The following DCHS2 variants were observed in gnomAD, a reference collection of about 807,000 sequenced individuals.
DCHS2 encodes the protein protocadherin-23.
DCHS2 carries 142 observed loss-of-function variants against 182.4 expected under a neutral mutation model. The ratio of observed to expected loss-of-function variants is 0.78; its 90% CI spans 0.68 to 0.89. The LOEUF is 0.89. Ranked by LOEUF, DCHS2 falls within the 40% of genes least tolerant of loss-of-function variation. The pLI is 0.00. For missense variants in DCHS2, 4,319 were observed against 4,198.6 expected, an observed-to-expected ratio of 1.03 and a Z score of -0.79; for synonymous variants, 1,740 against 1,663.3, an observed-to-expected ratio of 1.05 and a Z score of -1.12.
chr4:154,483,270 A>G (rs1735990529), intron 1 of DCHS2, among the ~76,000 whole-genome samples: 1 of 152,204 alleles, frequency 6.6e-6, no homozygotes, highest in African/African-American at 2.4e-5. Context: ...AGAAAGAGCA[A>G]GTCATCTAGA....
intron 3 of DCHS2, chr4:154,357,164 G>T: frequency 1.7e-6 from 2 of 1,172,076 alleles, no homozygotes; most frequent in Non-Finnish European, 2.5e-6. Flanking sequence ...TGCTTTCATG[G>T]CCTTTTTGGT....
intron 1 of DCHS2, among the ~76,000 whole-genome samples, chr4:154,403,775 C>A (rs1333831919): frequency 6.6e-6 from 1 of 152,068 alleles, no homozygotes; most frequent in East Asian, 1.9e-4. Flanking sequence ...ATTAAAAATT[C>A]TATGTCTTAA....
intron 10 of DCHS2, among the ~76,000 whole-genome samples, chr4:154,313,870 C>G (rs2111321037): frequency 6.6e-6 from 1 of 152,262 alleles, no homozygotes; most frequent in Non-Finnish European, 1.5e-5. Context: ...CCTAAATTCT[C>G]AGTTGGCATA....
chr4:154,282,163 C>CA (rs943715794), intron 13 of DCHS2, among the ~76,000 whole-genome samples: 1 of 151,432 alleles, frequency 6.6e-6, no homozygotes, highest in Non-Finnish European at 1.5e-5. Flanking sequence ...GCAACAAAAG[C>CA]AAAAAAATAG....
At position 154,490,841 on chromosome 4, in the gene DCHS2, A is replaced by G. The variant is rs1378988599; in HGVS notation, c.515T>C (p.Leu172Pro). ...GCTGAGCTCGGAGACGTCGAGTTGC[A>G]GGGAGTCGAGGGGAAAGCGGGGCGA... ...DHSPRFPLDS[L>P]QLDVSELSPP... Residue 172 changes from leucine (L) to proline (P), a missense_variant, in exon 1 of 20, where the codon CTG becomes CCG. Physicochemically the swap from Leu to Pro is moderately conservative, Grantham distance 98. Coordinates refer to ENST00000357232, the MANE Select transcript of DCHS2 (RefSeq NM_001358235.2). 6.4e-7 allele frequency: 1 copy of G among 1,551,566 alleles called. No homozygotes were observed. The highest frequency in any genetic ancestry group is 8.7e-7 in the Non-Finnish European group (1 of 1,146,924).
In DCHS2 at chr4:154,366,304, A is replaced by G. The variant is rs770588670; in HGVS notation, c.2382T>C (p.Leu794=). The G allele has an allele frequency of 3.7e-6, 6 of 1,613,902 alleles. No individual in the cohort carries two copies. The highest frequency in any genetic ancestry group is 3.3e-5 in the South Asian group (3 of 91,052). Residue 794 remains leucine (L), a synonymous_variant, in exon 3 of 20, where the codon CTT becomes CTC. Coordinates refer to ENST00000357232, the MANE Select transcript of DCHS2 (RefSeq NM_001358235.2). The stretch of plus-strand genomic sequence containing the variant: ...ATATCCCAGAGTCCTGGTCAGTGGC[A>G]AGAACATTGATGATCTCGGTGCCTG... ...TQPGTEIINV[L]ATDQDSGIYG...
Position 154,333,079 on chromosome 4 carries a change from C to T in DCHS2, c.3129G>A (p.Ala1043=), listed in dbSNP as rs781494221. 41 of 1,613,912 alleles carry T rather than the reference C, an allele frequency of 2.5e-5. No homozygotes were observed. Among genetic ancestry groups the T allele is most frequent in the Non-Finnish European group, 3.3e-5 (39 of 1,179,990 alleles). Residue 1043 remains alanine, a synonymous_variant, in exon 5 of 20, where the codon GCG becomes GCA. Coordinates refer to ENST00000357232, the MANE Select transcript of DCHS2 (RefSeq NM_001358235.2). ...GVLFLNGSLG[A]GEQRELTLTL... is the part of the protein sequence containing the mutation. ...TCAGCGTGAGCTCCCGCTGCTCGCC[C>T]GCGCCCAGGCTGCCGTTGAGGAACA...
At chr4:154,382,798 T>C (rs1421978308) in intron 1 of DCHS2, among the ~76,000 whole-genome samples, 1 of 152,138 alleles carries the variant, frequency 6.6e-6, no homozygotes, top group Non-Finnish European at 1.5e-5. Context: ...CACAATGAGA[T>C]GTCATCTTGC....
At chr4:154,384,374 T>C (rs753229554) in intron 1 of DCHS2, 10 of 1,613,098 alleles carry the variant, frequency 6.2e-6, no homozygotes, top group Non-Finnish European at 7.6e-6. Context: ...TCACCTCAGT[T>C]TCCTTCACTG....
At chr4:154,265,530 GA>G (rs1294062690) in intron 14 of DCHS2, among the ~76,000 whole-genome samples, 1 of 152,300 alleles carries the variant, frequency 6.6e-6, no homozygotes, top group East Asian at 1.9e-4. Context: ...TATAATCCCA[GA>G]ACTTCAGGAG....
At chr4:154,257,241 C>T (rs1328069677) in intron 15 of DCHS2, among the ~76,000 whole-genome samples, 4 of 151,882 alleles carry the variant, frequency 2.6e-5, no homozygotes, top group South Asian at 2.1e-4. Context: ...AGCGAGACTT[C>T]GTCTCAAAAA....
intron 3 of DCHS2, among the ~76,000 whole-genome samples, chr4:154,335,768 A>C (rs1728774009): frequency 6.6e-6 from 1 of 152,244 alleles, no homozygotes; most frequent in South Asian, 2.1e-4. Context: ...GCATATTTGC[A>C]AAACAATGTC....
At chr4:154,250,102 A>G (rs1732279375) in intron 16 of DCHS2, among the ~76,000 whole-genome samples, 1 of 152,180 alleles carries the variant, frequency 6.6e-6, no homozygotes, top group African/African-American at 2.4e-5. Context: ...AAGAAATGTG[A>G]GCATCCATGG....
rs1730345398 is a variant in DCHS2 at position 154,366,216 on chromosome 4, T to C, written c.2470A>G (p.Thr824Ala). ...NVSSLFTIDS[T>A]TGIIYLTLPL... ...CTGTTCCAAGATCACATACCTGTGG[T>C]GGAGTCAATGGTAAAAAGGGACGAC... Residue 824 changes from threonine (T) to alanine (A), a missense_variant, in exon 3 of 20, where the codon ACC becomes GCC. Transcript: ENST00000357232. 6.2e-7 allele frequency: 1 copy of C among 1,611,280 alleles called. No homozygotes were observed. Among genetic ancestry groups the C allele is most frequent in the African/African-American group, 1.3e-5 (1 of 74,918 alleles).
At chr4:154,443,209 A>T (rs2110960647) in intron 1 of DCHS2, among the ~76,000 whole-genome samples, 1 of 152,180 alleles carries the variant, frequency 6.6e-6, no homozygotes, top group Admixed American at 6.5e-5. Flanking sequence ...CCAACTCTTC[A>T]CCTATTAGAT....
chr4:154,234,370 TG>T lies in DCHS2; in HGVS notation c.*165del. On this transcript the variant is annotated 3_prime_UTR_variant, in exon 20 of 20. Transcript: ENST00000357232. ...AGAGGAAATAACTTTTCATTAAGGC[TG>T]GAAGAAATTGGAGAAACTTTAATGG... 1 of 955,396 alleles carries T rather than the reference TG, an allele frequency of 1.0e-6. No homozygotes were observed. Among genetic ancestry groups the T allele is most frequent in the Non-Finnish European group, 1.5e-6 (1 of 671,764 alleles). 59.2% of individuals were successfully genotyped at this position (955,396 alleles called of 1,614,324 possible). A position where few individuals can be genotyped will look rare whatever the true frequency, so the allele number is the denominator to read the frequency against.
rs1224855150 is a variant in DCHS2 at position 154,489,292 on chromosome 4, T to TGATG, written c.2052+8_2052+11dup. 1 of 1,499,476 alleles carries TGATG rather than the reference T, an allele frequency of 6.7e-7. No homozygotes were observed. The highest frequency in any genetic ancestry group is 9.0e-7 in the Non-Finnish European group (1 of 1,116,004). The allele number at this position is 1,499,476 out of a possible 1,614,324, so 92.9% of individuals were successfully genotyped here. A position where few individuals can be genotyped will look rare whatever the true frequency, so the allele number is the denominator to read the frequency against. ...AAGCCTTCAGGTTGGCCCACAGGCC[T>TGATG]GATGCACTCACCTGCAGAAAGCAGT... On this transcript the variant is annotated intron_variant, in intron 1 of 19. Transcript: ENST00000357232.
At chr4:154,313,540 T>C (rs770464273) in intron 10 of DCHS2, among the ~76,000 whole-genome samples, 4 of 152,194 alleles carry the variant, frequency 2.6e-5, no homozygotes, top group Admixed American at 2.0e-4. Context: ...CATTCATAAA[T>C]TCCAGTGTAA....
chr4:154,472,147 T>G (rs1735498441), intron 1 of DCHS2, among the ~76,000 whole-genome samples: 1 of 152,200 alleles, frequency 6.6e-6, no homozygotes, highest in Admixed American at 6.5e-5. Flanking sequence ...CTCTGGCTGG[T>G]TGTCAACAGT....
Sources: allele counts gnomAD v4.1 joint callset (sites outside exome capture counted in the v4.1 genomes callset), GRCh38; gene constraint gnomAD v4.1.1; transcripts MANE v1.5; gene names NCBI Gene and HGNC (gene_info 2026-07-23, HGNC 2026-07-21).